Variants in CES5A observed in about 807,000 individuals in gnomAD.
CES5A encodes the protein carboxylesterase 5.
In CES5A, 67 loss-of-function variants were observed where a neutral mutation model predicts 62.9. The observed-to-expected ratio is 1.07, with a 90% CI of 0.88 to 1.31. The LOEUF is 1.31. Among genes scored for constraint, CES5A ranks in the 50% most tolerant of loss-of-function variants. CES5A has a pLI of 0.00. For synonymous variants in CES5A, 296 were observed against 280.8 expected (o/e 1.05, Z -0.54); for missense variants, 748 against 708.5 (o/e 1.06, Z -0.63).
chr16:55,848,378 C>T (rs902344502), intron 11 of CES5A, among the ~76,000 whole-genome samples: 3 of 152,050 alleles, frequency 2.0e-5, no homozygotes, highest in Non-Finnish European at 4.4e-5. Context: ...CTCAGACTCC[C>T]AAAGTGCTGG....
intron 3 of CES5A, among the ~76,000 whole-genome samples, chr16:55,871,272 T>C (rs556299599): frequency 7.2e-5 from 11 of 152,312 alleles, no homozygotes; most frequent in African/African-American, 2.6e-4. Flanking sequence ...AACAGAAAAG[T>C]TGGAGGATAA....
chr16:55,872,676 T>C (rs141963847), intron 2 of CES5A, among the ~76,000 whole-genome samples: 1 of 152,214 alleles, frequency 6.6e-6, no homozygotes, highest in Admixed American at 6.5e-5. Flanking sequence ...TGTTTATGCC[T>C]CCTTGCCCCT....
At chr16:55,913,319 C>G (rs2142452276) in intron 1 of CES5A, among the ~76,000 whole-genome samples, 1 of 152,170 alleles carries the variant, frequency 6.6e-6, no homozygotes, top group South Asian at 2.1e-4. Context: ...TCAGCTGATC[C>G]ATGGAGTGCA....
At chr16:55,893,518 A>G (rs2033901756) in intron 1 of CES5A, among the ~76,000 whole-genome samples, 1 of 152,184 alleles carries the variant, frequency 6.6e-6, no homozygotes, top group East Asian at 1.9e-4. Context: ...ATTTCAGTAG[A>G]GAAATGAAAA....
At chr16:55,870,944 A>G (rs1431035819) in intron 3 of CES5A, among the ~76,000 whole-genome samples, 2 of 152,212 alleles carry the variant, frequency 1.3e-5, no homozygotes, top group Admixed American at 1.3e-4. Flanking sequence ...TGTGTACAAC[A>G]TGGAGCAAGT....
At chr16:55,906,820 G>T (rs1157006828) in intron 1 of CES5A, among the ~76,000 whole-genome samples, 6 of 152,190 alleles carry the variant, frequency 3.9e-5, no homozygotes, top group Non-Finnish European at 1.5e-5. Context: ...TTGGCTAAAA[G>T]CTGCGAGTCC....
intron 1 of CES5A, among the ~76,000 whole-genome samples, chr16:55,908,219 G>A (rs1157272244): frequency 6.6e-6 from 1 of 152,068 alleles, no homozygotes; most frequent in Non-Finnish European, 1.5e-5. Context: ...TGGGGCCTCT[G>A]ATTTCTTCAC....
chr16:55,858,768 C>A (rs2033294183), intron 8 of CES5A, among the ~76,000 whole-genome samples: 1 of 152,230 alleles, frequency 6.6e-6, no homozygotes, highest in Admixed American at 6.5e-5. Flanking sequence ...AGTCTCCACT[C>A]CTCTGAGGAC....
intron 1 of CES5A, among the ~76,000 whole-genome samples, chr16:55,900,990 T>C (rs1597141623): frequency 6.6e-6 from 1 of 152,272 alleles, no homozygotes; most frequent in South Asian, 2.1e-4. Flanking sequence ...TGCCCACCTC[T>C]CTCATACCTA....
chr16:55,869,790 T>G, intron 3 of CES5A, 46 bp from the exon 4 acceptor site: 1 of 1,555,018 alleles, frequency 6.4e-7, no homozygotes, highest in African/African-American at 1.4e-5. Flanking sequence ...AGGCACCACC[T>G]CCCCTCCCCA....
chr16:55,935,705 C>A (rs563693276), intron 2 of CES5A, among the ~76,000 whole-genome samples: 1 of 152,244 alleles, frequency 6.6e-6, no homozygotes, highest in African/African-American at 2.4e-5. Context: ...ACCTCAGATT[C>A]TCTCTGGGTA....
intron 1 of CES5A, among the ~76,000 whole-genome samples, chr16:55,893,010 C>A (rs1413159020): frequency 6.6e-6 from 1 of 152,112 alleles, no homozygotes; most frequent in African/African-American, 2.4e-5. Flanking sequence ...CCTGGCAGGT[C>A]GAAATCCGGA....
chr16:55,856,674 C>A (rs2033250710), intron 8 of CES5A, among the ~76,000 whole-genome samples: 1 of 152,210 alleles, frequency 6.6e-6, no homozygotes, highest in Non-Finnish European at 1.5e-5. Flanking sequence ...CCTTGTGGGG[C>A]CCAAGTGGCC....
intron 1 of CES5A, among the ~76,000 whole-genome samples, chr16:55,897,605 G>A (rs2033947103): frequency 1.3e-5 from 2 of 152,166 alleles, no homozygotes; most frequent in Non-Finnish European, 2.9e-5. Context: ...CTGGATGGAA[G>A]GACTTTGAGA....
intron 4 of CES5A, among the ~76,000 whole-genome samples, chr16:55,868,185 T>C (rs2033504884): frequency 6.6e-6 from 1 of 152,202 alleles, no homozygotes; most frequent in African/African-American, 2.4e-5. Flanking sequence ...CGATAAGCAA[T>C]TATTGAAAGC....
At chr16:55,861,357 C>T in intron 7 of CES5A, 55 bp downstream of exon 7, 1 of 916,592 alleles carries the variant, frequency 1.1e-6, no homozygotes, top group Non-Finnish European at 1.8e-6. Flanking sequence ...AGGATTTGTT[C>T]ATCTCTCCGT....
rs530672696 is a variant in CES5A, at chr16:55,889,036, C to T, written c.-255-14999G>A. Reference sequence around the variant, plus strand: ...ATTTGACAGTTAAAGGGGAGCTTTACTCAAAAGTAGCCTAGAATGACCTAA... The same window carrying T: ...ATTTGACAGTTAAAGGGGAGCTTTATTCAAAAGTAGCCTAGAATGACCTAA... On this transcript the variant is annotated intron_variant, in intron 1 of 12. Coordinates refer to the CES5A transcript ENST00000518005. Among the ~76,000 whole-genome samples, 5 of 151,838 alleles carry T rather than the reference C, an allele frequency of 3.3e-5. No individual in the cohort carries two copies. The East Asian group carries it at 5.8e-4, about 18-fold the overall frequency.
At chr16:55,874,076 G>A (rs1461394360) in intron 1 of CES5A, 39 bp from the exon 2 acceptor site, 1 of 1,547,206 alleles carries the variant, frequency 6.5e-7, no homozygotes, top group African/African-American at 1.4e-5. Context: ...GCAGGCTGGG[G>A]ACAGGCAGGG....
chr16:55,883,306 C>T (rs530336884), intron 1 of CES5A, among the ~76,000 whole-genome samples: 27 of 152,254 alleles, frequency 1.8e-4, no homozygotes, highest in African/African-American at 3.6e-4. Flanking sequence ...GATGGAGTCT[C>T]GCTCTGTCAC....
Sources: allele counts gnomAD v4.1 joint callset (sites outside exome capture counted in the v4.1 genomes callset), GRCh38; gene constraint gnomAD v4.1.1; transcripts MANE v1.5; gene names NCBI Gene and HGNC (gene_info 2026-07-23, HGNC 2026-07-21).